GLI2: variants seen among roughly 807,000 people sequenced by gnomAD.
GLI2 encodes GLI family zinc finger 2.
GLI2 carries 22 observed loss-of-function variants against 78.9 expected under a neutral mutation model. The ratio of observed to expected loss-of-function variants is 0.28; its 90% CI spans 0.20 to 0.40. The LOEUF is 0.40. GLI2 is among the 10% of genes least tolerant of loss of function. GLI2 has a pLI of 1.00. For missense variants in GLI2, 2,097 were observed against 2,213.2 expected (o/e 0.95, Z 1.05); for synonymous variants, 974 against 963.7 (o/e 1.01, Z -0.20).
chr2:120,827,928 G>T (rs530432781), intron 2 of GLI2, among the ~76,000 whole-genome samples: 42 of 152,314 alleles, frequency 2.8e-4, no homozygotes, highest in African/African-American at 9.9e-4. Flanking sequence ...TTCAATTTGG[G>T]AAGATGAAAA....
intron 1 of GLI2, among the ~76,000 whole-genome samples, chr2:120,793,202 G>A (rs900969271): frequency 4.6e-5 from 7 of 152,256 alleles, no homozygotes; most frequent in Non-Finnish European, 1.0e-4. Context: ...CTGGGTCCCG[G>A]GTGCCCGCTC....
chr2:120,746,950 T>C (rs567058693), intron 1 of GLI2, among the ~76,000 whole-genome samples: 1 of 152,370 alleles, frequency 6.6e-6, no homozygotes, highest in South Asian at 2.1e-4. Flanking sequence ...TTTTATTGGC[T>C]ACATAATATC....
intron 10 of GLI2, among the ~76,000 whole-genome samples, chr2:120,979,309 C>T (rs1445535048): frequency 6.6e-6 from 1 of 152,086 alleles, no homozygotes; most frequent in Non-Finnish European, 1.5e-5. Context: ...AAGACCTTTT[C>T]TATGGTCTCC....
At position 120,988,716 on chromosome 2, in the gene GLI2, A is replaced by C. The variant is rs1371067984; in HGVS notation, c.2751A>C (p.Pro917=). The C allele has an allele frequency of 3.3e-6, 4 of 1,210,432 alleles. No homozygotes were observed. The African/African-American group carries it at 6.6e-5, about 20-fold the overall frequency. 75.0% of individuals were successfully genotyped at this position (1,210,432 alleles called of 1,614,324 possible). ...CGCTGCCCGCCGGCTGCCCACGCCC[A>C]CTGGGGCCGCGGCGTGGCAGCGACG... ...ERTLPAGCPR[P]LGPRRGSDGP... is the part of the protein sequence containing the mutation. Residue 917 remains proline, a synonymous_variant, in exon 14 of 14, where the codon CCA becomes CCC. Transcript: ENST00000361492.
At chr2:120,968,055 C>T (rs961653118) in intron 5 of GLI2, among the ~76,000 whole-genome samples, 1 of 152,204 alleles carries the variant, frequency 6.6e-6, no homozygotes, top group African/African-American at 2.4e-5. Context: ...CTTCCATTCC[C>T]TCTCTTCCCC....
Position 120,845,150 on chromosome 2 carries a change from G to A in GLI2, c.148+47682G>A, listed in dbSNP as rs568172481. On this transcript the variant is annotated intron_variant, in intron 2 of 13. Coordinates refer to ENST00000361492, the MANE Select transcript of GLI2 (RefSeq NM_001374353.1). ...TAGGCAGCCATGGTGGTGCACGCCT[G>A]TAATCCCAGCTGTTCGGGAGGCTGA... 3.2e-3 allele frequency among the ~76,000 whole-genome samples: 491 copies of A among 152,250 alleles called. 2 individuals are homozygous for A. The highest frequency in any genetic ancestry group is 0.011 in the African/African-American group (457 of 41,554).
At position 120,912,753 on chromosome 2, in the gene GLI2, C is replaced by T. The variant is rs556530682; in HGVS notation, c.149-14608C>T. Among the ~76,000 whole-genome samples, 31 of 152,216 alleles carry T rather than the reference C, an allele frequency of 2.0e-4. No individual in the cohort carries two copies. The South Asian group carries it at 2.1e-3, about 10-fold the overall frequency. On this transcript the variant is annotated intron_variant, in intron 2 of 13. Coordinates refer to ENST00000361492, the MANE Select transcript of GLI2 (RefSeq NM_001374353.1). ...GGACCCTCTTATTTGTCGAAGATCTCGGGAGTCCACACACCCACTCCCGTG... is the reference window on the plus strand; with the variant it reads ...GGACCCTCTTATTTGTCGAAGATCTTGGGAGTCCACACACCCACTCCCGTG...
chr2:120,901,079 G>C lies in GLI2; in HGVS notation c.149-26282G>C, dbSNP rs371595602. On this transcript the variant is annotated intron_variant, in intron 2 of 13. Coordinates refer to ENST00000361492, the MANE Select transcript of GLI2 (RefSeq NM_001374353.1). ...TTGCATAGGTAAACAGCTTTTAAAT[G>C]TGTATTTTCTTTCAAAATAAAGCCA... Among the ~76,000 whole-genome samples the C allele has an allele frequency of 5.3e-5, 8 of 152,248 alleles. No homozygotes were observed. The South Asian group carries it at 1.7e-3, about 32-fold the overall frequency.
chr2:120,982,024 T>C (rs1486803373), intron 10 of GLI2, among the ~76,000 whole-genome samples: 1 of 152,066 alleles, frequency 6.6e-6, no homozygotes, highest in Non-Finnish European at 1.5e-5. Flanking sequence ...GGAGAGAGGA[T>C]AGAGTGTTGT....
At position 120,982,659 on chromosome 2, in the gene GLI2, C is replaced by T. The variant is rs553633715; in HGVS notation, c.1468-57C>T. The T allele has an allele frequency of 3.5e-5, 53 of 1,504,950 alleles. No homozygotes were observed. In the East Asian group the frequency reaches 9.6e-4, roughly 27 times the overall value. 93.2% of individuals were successfully genotyped at this position (1,504,950 alleles called of 1,614,324 possible). ...AAGGGGGTGGGGAGGAAGCAGCAGCCGGCCTCAAGGTTGGGCCCCCTGGGG... is the reference window on the plus strand; with the variant it reads ...AAGGGGGTGGGGAGGAAGCAGCAGCTGGCCTCAAGGTTGGGCCCCCTGGGG... On this transcript the variant is annotated intron_variant, in intron 10 of 13. Coordinates refer to ENST00000361492, the MANE Select transcript of GLI2 (RefSeq NM_001374353.1).
At chr2:120,820,110 A>C (rs1041474875) in intron 2 of GLI2, among the ~76,000 whole-genome samples, 7 of 152,152 alleles carry the variant, frequency 4.6e-5, no homozygotes, top group African/African-American at 1.7e-4. Context: ...AGAAAGACTG[A>C]GGCTGATGAA....
At chr2:120,933,574 G>A (rs1218459184) in intron 3 of GLI2, among the ~76,000 whole-genome samples, 2 of 152,346 alleles carry the variant, frequency 1.3e-5, no homozygotes, top group East Asian at 3.9e-4. Context: ...GGAAAGAGAA[G>A]CTCTTTGGAT....
At chr2:120,935,204 G>A (rs1259436796) in intron 3 of GLI2, among the ~76,000 whole-genome samples, 2 of 152,208 alleles carry the variant, frequency 1.3e-5, no homozygotes, top group African/African-American at 4.8e-5. Flanking sequence ...TGCTGGGTGG[G>A]CCCAGCGTCA....
At chr2:120,816,383 C>T (rs57851397) in intron 2 of GLI2, among the ~76,000 whole-genome samples, 1,710 of 151,924 alleles carry the variant, frequency 0.011, 32 homozygotes, top group African/African-American at 0.039. Flanking sequence ...TTTGTAGAGA[C>T]GGGGTTTTGC....
intron 3 of GLI2, among the ~76,000 whole-genome samples, chr2:120,948,185 A>G (rs1267933172): frequency 1.3e-5 from 2 of 152,070 alleles, no homozygotes; most frequent in Non-Finnish European, 2.9e-5. Context: ...CAGCATGGAG[A>G]ATGACTCCCC....
chr2:120,742,639 C>G (rs990222830), intron 1 of GLI2, among the ~76,000 whole-genome samples: 2 of 149,692 alleles, frequency 1.3e-5, no homozygotes, highest in African/African-American at 5.0e-5. Context: ...CTCCTCAAAT[C>G]CTTTTCCATC....
intron 1 of GLI2, among the ~76,000 whole-genome samples, chr2:120,754,295 A>G (rs1682973911): frequency 6.6e-6 from 1 of 152,146 alleles, no homozygotes; most frequent in Non-Finnish European, 1.5e-5. Context: ...TGGAAGAGAA[A>G]CTATGTTTCA....
At chr2:120,758,692 G>A (rs1432120619) in intron 1 of GLI2, among the ~76,000 whole-genome samples, 3 of 152,240 alleles carry the variant, frequency 2.0e-5, no homozygotes, top group East Asian at 1.9e-4. Context: ...AAATCATCCA[G>A]GAGGCTGTGA....
At chr2:120,747,595 G>C (rs188278458) in intron 1 of GLI2, among the ~76,000 whole-genome samples, 3 of 152,332 alleles carry the variant, frequency 2.0e-5, no homozygotes, top group Non-Finnish European at 4.4e-5. Flanking sequence ...CAAGGGGAAT[G>C]CTATTGGTAT....
Sources: allele counts gnomAD v4.1 joint callset (sites outside exome capture counted in the v4.1 genomes callset), GRCh38; gene constraint gnomAD v4.1.1; transcripts MANE v1.5; gene names NCBI Gene and HGNC (gene_info 2026-07-23, HGNC 2026-07-21).